The following COL28A1 variants were observed in gnomAD, a reference collection of about 807,000 sequenced individuals.
COL28A1 encodes collagen type XXVIII alpha 1 chain.
Under a neutral mutation model 150.2 loss-of-function variants are expected in COL28A1, and 161 were observed. The ratio of observed to expected loss-of-function variants is 1.07; its 90% confidence interval spans 0.94 to 1.22. The LOEUF is 1.22. Ranked by LOEUF, COL28A1 falls within the 50% of genes most tolerant of loss-of-function variation. COL28A1 has a pLI of 0.00. For missense variants in COL28A1, 1,617 were observed against 1,388.3 expected (o/e 1.16, Z -2.62); for synonymous variants, 552 against 469.7 (o/e 1.18, Z -2.26).
intron 11 of COL28A1, among the ~76,000 whole-genome samples, chr7:7,502,901 G>C (rs1393307550): frequency 2.0e-5 from 1 of 49,076 alleles, no homozygotes; most frequent in Non-Finnish European, 3.4e-5. Flanking sequence ...GTTTCACCGT[G>C]TTAGCCAGGA....
At chr7:7,473,175 C>A (rs1488085991) in intron 15 of COL28A1, among the ~76,000 whole-genome samples, 1 of 152,046 alleles carries the variant, frequency 6.6e-6, no homozygotes, top group Non-Finnish European at 1.5e-5. Flanking sequence ...AGATAAATAG[C>A]TGGGACTTAA....
intron 15 of COL28A1, 78 bp from the exon 16 acceptor site, chr7:7,456,190 G>A: frequency 6.6e-7 from 1 of 1,521,640 alleles, no homozygotes; most frequent in Non-Finnish European, 8.8e-7. Flanking sequence ...CTGGAATTGG[G>A]CTGTGTTAAA....
intron 25 of COL28A1, among the ~76,000 whole-genome samples, chr7:7,424,994 G>C (rs1784579695): frequency 1.3e-5 from 2 of 151,970 alleles, no homozygotes; most frequent in South Asian, 4.2e-4. Flanking sequence ...TTAAATGAAA[G>C]AAGAAAGAGG....
the COL28A1 span, among the ~76,000 whole-genome samples, chr7:7,350,906 G>A: frequency 6.6e-6 from 1 of 152,036 alleles, no homozygotes; most frequent in African/African-American, 2.4e-5. Context: ...TGAAGTTTAA[G>A]GGCAAATTTG....
chr7:7,403,475 C>G (rs1583299306), intron 27 of COL28A1, among the ~76,000 whole-genome samples: 1 of 152,130 alleles, frequency 6.6e-6, no homozygotes, highest in Non-Finnish European at 1.5e-5. Context: ...TATACTCACA[C>G]TCACATTTTA....
rs114002814 is a variant in COL28A1 at position 7,447,015 on chromosome 7, C to A, written c.1510-2526G>T. 2.2e-3 allele frequency among the ~76,000 whole-genome samples: 331 copies of A among 152,206 alleles called. 1 individual carries two copies. The highest frequency in any genetic ancestry group is 7.4e-3 in the African/African-American group (309 of 41,528). ...AGGATTAGAGAGAACTGACATTGAA[C>A]CAGGAATAGTGCCTATTTCTACTGG... On this transcript the variant is annotated intron_variant, in intron 18 of 34. Coordinates refer to ENST00000399429, the MANE Select transcript of COL28A1 (RefSeq NM_001037763.3).
upstream of COL28A1, among the ~76,000 whole-genome samples, chr7:7,538,805 C>T (rs1482115816): frequency 1.3e-5 from 2 of 151,924 alleles, no homozygotes; most frequent in Non-Finnish European, 2.9e-5. Context: ...AGTATAGTTT[C>T]ACAAGCTTCT....
At position 7,423,506 on chromosome 7, in the gene COL28A1, T is replaced by C. The variant is rs568548557; in HGVS notation, c.1999-3553A>G. On this transcript the variant is annotated intron_variant, in intron 25 of 34. Coordinates refer to ENST00000399429, the MANE Select transcript of COL28A1 (RefSeq NM_001037763.3). ...GAGCACACAGGTAGATTCAACATCA[T>C]TAGAATTTACATCTGTCGTGTGTAT... Among the ~76,000 whole-genome samples the C allele has an allele frequency of 3.3e-5, 5 of 152,322 alleles. No individual in the cohort carries two copies. In the East Asian group the frequency reaches 9.6e-4, roughly 29 times the overall value.
chr7:7,484,577 A>T (rs1779522228), intron 13 of COL28A1, among the ~76,000 whole-genome samples: 1 of 152,212 alleles, frequency 6.6e-6, no homozygotes, highest in African/African-American at 2.4e-5. Context: ...GGATGAAAAT[A>T]AAGTAGAACT....
chr7:7,417,851 T>A lies in COL28A1; in HGVS notation c.2136+8A>T, dbSNP rs776088873. On this transcript the variant is annotated splice_region_variant and intron_variant, in intron 27 of 34. Coordinates refer to ENST00000399429, the MANE Select transcript of COL28A1 (RefSeq NM_001037763.3). ...AGAGGTGACTCCAGCACAACCCTAT[T>A]CACTTACTTTAATTCCCTGTGATCC... The A allele has an allele frequency of 6.2e-7, 1 of 1,612,084 alleles. No individual in the cohort carries two copies. Among genetic ancestry groups the A allele is most frequent in the Admixed American group, 1.7e-5 (1 of 59,904 alleles).
intron 27 of COL28A1, among the ~76,000 whole-genome samples, chr7:7,399,794 C>G (rs1471723991): frequency 3.3e-5 from 5 of 152,228 alleles, no homozygotes; most frequent in Admixed American, 2.0e-4. Flanking sequence ...GCACTGTCAT[C>G]TGAGACAGTT....
intron 11 of COL28A1, among the ~76,000 whole-genome samples, chr7:7,496,669 C>T (rs1780225555): frequency 1.3e-5 from 2 of 152,144 alleles, no homozygotes; most frequent in Admixed American, 1.3e-4. Flanking sequence ...TCCTTCATTT[C>T]TCTAAGACAA....
At chr7:7,461,117 G>A (rs1787584587) in intron 15 of COL28A1, among the ~76,000 whole-genome samples, 1 of 152,224 alleles carries the variant, frequency 6.6e-6, no homozygotes, top group Non-Finnish European at 1.5e-5. Flanking sequence ...AAGGGAGATT[G>A]TCCGCCCCTG....
upstream of COL28A1, among the ~76,000 whole-genome samples, chr7:7,538,531 G>A (rs1301780800): frequency 1.3e-5 from 2 of 152,140 alleles, no homozygotes; most frequent in African/African-American, 4.8e-5. Context: ...TCTGCTAGAT[G>A]AAAATCTTTT....
downstream of COL28A1, among the ~76,000 whole-genome samples, chr7:7,355,291 T>C (rs1375789597): frequency 6.6e-6 from 1 of 152,012 alleles, no homozygotes; most frequent in East Asian, 1.9e-4. Flanking sequence ...TAAATAAACA[T>C]GGTAAGGTGT....
intron 25 of COL28A1, among the ~76,000 whole-genome samples, chr7:7,429,184 A>C (rs1481623508): frequency 6.6e-6 from 1 of 152,216 alleles, no homozygotes; most frequent in Non-Finnish European, 1.5e-5. Context: ...AATGAAAAAC[A>C]TATCAGGATC....
At chr7:7,523,412 C>A (rs527656518) in intron 4 of COL28A1, among the ~76,000 whole-genome samples, 2 of 151,966 alleles carry the variant, frequency 1.3e-5, no homozygotes, top group African/African-American at 4.8e-5. Context: ...CCTGCCTCGG[C>A]CTCCCAAACT....
intron 20 of COL28A1, among the ~76,000 whole-genome samples, chr7:7,441,844 A>C (rs1258383126): frequency 6.6e-6 from 1 of 152,228 alleles, no homozygotes; most frequent in Admixed American, 6.5e-5. Flanking sequence ...TGTAGAATCC[A>C]CAGAGGTTTC....
At chr7:7,524,930 C>G (rs190631675) in intron 3 of COL28A1, among the ~76,000 whole-genome samples, 1 of 152,074 alleles carries the variant, frequency 6.6e-6, no homozygotes, top group Non-Finnish European at 1.5e-5. Flanking sequence ...AAAAGATACT[C>G]AGCTTTTAAA....
Sources: gnomAD v4.1 joint callset for allele counts (sites outside exome capture counted in the v4.1 genomes callset) on GRCh38, gnomAD v4.1.1 for gene constraint, MANE v1.5 for transcripts, NCBI Gene and HGNC (gene_info 2026-07-23, HGNC 2026-07-21) for gene names.